The following KLHL4 variants were observed in gnomAD, a reference collection of about 807,000 sequenced individuals.
KLHL4 encodes the protein kelch-like protein 4.
Under a neutral mutation model 45.8 loss-of-function variants are expected in KLHL4, and 17 were observed. The observed-to-expected ratio is 0.37, with a 90% CI of 0.25 to 0.56. KLHL4 has a LOEUF of 0.56. Ranked by LOEUF, KLHL4 falls within the 20% of genes least tolerant of loss-of-function variation. The pLI is 0.79. For synonymous variants in KLHL4, 224 were observed against 189.9 expected (o/e 1.18, Z -1.47); for missense variants, 544 against 544.9 (o/e 1.00, Z 0.02).
At position 87,625,655 on chromosome X, in the gene KLHL4, G is replaced by C. The variant is rs1327324339; in HGVS notation, c.1183G>C (p.Glu395Gln). 2 of 1,208,561 alleles carry C rather than the reference G, an allele frequency of 1.7e-6. No homozygotes were observed. The highest frequency in any genetic ancestry group is 2.2e-5 in the Admixed American group (1 of 45,651). ...ETSSMFTGDLECQKLLMEAMK... is the reference protein window; with the variant it reads ...ETSSMFTGDLQCQKLLMEAMK... ...CAGTTCCATGTTTACTGGTGATCTT[G>C]AGTGTCAGAAGCTCCTGATGGAAGC... Residue 395 changes from glutamate to glutamine, a missense_variant, in exon 6 of 11, where the codon GAG becomes CAG. Glu to Gln is a conservative substitution (Grantham distance 29, BLOSUM62 2). Coordinates refer to ENST00000373119, the MANE Select transcript of KLHL4 (RefSeq NM_019117.5).
chrX:87,554,655 A>G (rs1288294707), intron 1 of KLHL4, among the ~76,000 whole-genome samples: 10 of 107,824 alleles, frequency 9.3e-5, no homozygotes, highest in African/African-American at 3.4e-4. Context: ...CAATCATGTC[A>G]TCTGCAAACA....
At chrX:87,635,875 C>T in intron 9 of KLHL4, 100 bp downstream of exon 9, 3 of 546,684 alleles carry the variant, frequency 5.5e-6, no homozygotes, top group Non-Finnish European at 8.4e-6. Context: ...CAGTTTAGTT[C>T]TATGCCCACT....
At chrX:87,663,308 C>A (rs1299517656) in intron 9 of KLHL4, among the ~76,000 whole-genome samples, 1 of 111,665 alleles carries the variant, frequency 9.0e-6, no homozygotes, top group Non-Finnish European at 1.9e-5. Flanking sequence ...AAAAGAGAAA[C>A]AAGAAAGAGA....
At chrX:87,541,912 G>A (rs934133089) in intron 1 of KLHL4, among the ~76,000 whole-genome samples, 1 of 111,662 alleles carries the variant, frequency 9.0e-6, no homozygotes, top group Non-Finnish European at 1.9e-5. Flanking sequence ...AGTAATGTGA[G>A]CAACGAAGTC....
chrX:87,617,811 C>T (rs1169641103), intron 3 of KLHL4, 121 bp from the exon 4 acceptor site: 1 of 534,417 alleles, frequency 1.9e-6, no homozygotes, highest in African/African-American at 2.3e-5. Flanking sequence ...AAAATGTGCT[C>T]CAAATCTGCT....
chrX:87,653,273 G>C (rs918679786), intron 9 of KLHL4, among the ~76,000 whole-genome samples: 1 of 111,772 alleles, frequency 8.9e-6, no homozygotes, highest in African/African-American at 3.3e-5. Flanking sequence ...AGTTCTTCCA[G>C]TACCATTTAT....
intron 1 of KLHL4, among the ~76,000 whole-genome samples, chrX:87,587,606 T>C (rs1043656335): frequency 1.8e-5 from 2 of 111,200 alleles, no homozygotes; most frequent in African/African-American, 6.5e-5. Flanking sequence ...TAAACATCCT[T>C]TCATGATAAA....
At chrX:87,576,078 T>C (rs1921092598) in intron 1 of KLHL4, among the ~76,000 whole-genome samples, 1 of 111,332 alleles carries the variant, frequency 9.0e-6, no homozygotes, top group Non-Finnish European at 1.9e-5. Flanking sequence ...AATTGGAGTC[T>C]GCCCCTCCAG....
At position 87,625,651 on chromosome X, in the gene KLHL4, T is replaced by C. The variant is rs267606526; in HGVS notation, c.1179T>C (p.Asp393=). The C allele has an allele frequency of 2.5e-6, 3 of 1,208,864 alleles. No homozygotes were observed. The highest frequency in any genetic ancestry group is 3.4e-6 in the Non-Finnish European group (3 of 893,963). The change falls in exon 6 of 11, where the codon GAT becomes GAC. Residue 393 remains aspartate (D), a synonymous_variant. Transcript: ENST00000373119. ...AAACCAGTTCCATGTTTACTGGTGA[T>C]CTTGAGTGTCAGAAGCTCCTGATGG... is the stretch of plus-strand genomic sequence containing the variant. ...DLETSSMFTG[D]LECQKLLMEA...
intron 9 of KLHL4, among the ~76,000 whole-genome samples, chrX:87,659,253 G>A (rs1253744116): frequency 1.1e-4 from 11 of 101,524 alleles, no homozygotes; most frequent in African/African-American, 4.0e-4. Flanking sequence ...CTGAGTAGCT[G>A]GGACTACAGG....
intron 1 of KLHL4, among the ~76,000 whole-genome samples, chrX:87,566,123 C>T (rs948428155): frequency 5.4e-5 from 6 of 110,755 alleles, no homozygotes; most frequent in Non-Finnish European, 9.4e-5. Context: ...AAAGCCAGGA[C>T]CATTTTGCTT....
Position 87,666,770 on chromosome X carries a change from G to A in KLHL4, c.*236G>A. The A allele has an allele frequency of 6.6e-6, 6 of 912,013 alleles. No individual in the cohort carries two copies. The South Asian group carries it at 2.7e-4, about 41-fold the overall frequency. The allele number at this position is 912,013 out of a possible 1,213,427, so 75.2% of individuals were successfully genotyped here. On this transcript the variant is annotated 3_prime_UTR_variant, in exon 11 of 11. Coordinates refer to ENST00000373119, the MANE Select transcript of KLHL4 (RefSeq NM_019117.5). Reference sequence around the variant, plus strand: ...TGCTTTCGCAGCTGATAATATAAAAGGAAATCCCACAGTCTAGATATAGCC... The same window carrying A: ...TGCTTTCGCAGCTGATAATATAAAAAGAAATCCCACAGTCTAGATATAGCC...
chrX:87,631,521 T>C lies in KLHL4; in HGVS notation c.1325-689T>C, dbSNP rs774455371. ...CACCAAAGGCCCATTTAACATTTTTTGAATTTTATTTATTTATATAGACAG... is the reference window on the plus strand; with the variant it reads ...CACCAAAGGCCCATTTAACATTTTTCGAATTTTATTTATTTATATAGACAG... On this transcript the variant is annotated intron_variant, in intron 6 of 10. Transcript: ENST00000373119. Among the ~76,000 whole-genome samples the C allele has an allele frequency of 7.2e-5, 8 of 111,650 alleles. No individual in the cohort carries two copies. The South Asian group carries it at 3.0e-3, about 42-fold the overall frequency.
In KLHL4 at chrX:87,518,015, A is replaced by G. The variant is rs144602634; in HGVS notation, c.122A>G (p.Tyr41Cys). 630 of 1,209,622 alleles carry G rather than the reference A, an allele frequency of 5.2e-4. 1 individual carries two copies. The highest frequency in any genetic ancestry group is 6.8e-4 in the Non-Finnish European group (612 of 895,169). Residue 41 changes from tyrosine to cysteine, a missense_variant, in exon 1 of 11, where the codon TAT becomes TGT. Tyr to Cys is a radical substitution (Grantham distance 194, BLOSUM62 -2). Transcript: ENST00000373119. The stretch of plus-strand genomic sequence containing the variant: ...GGAAGCTGTCTTCAGCAGGAAGGAT[A>G]TGAGCATAGAGGGACCCCGGTTCAG... ...NTGSCLQQEGYEHRGTPVQGR... is the reference protein window; with the variant it reads ...NTGSCLQQEGCEHRGTPVQGR...
intron 9 of KLHL4, among the ~76,000 whole-genome samples, chrX:87,653,100 A>C (rs934053457): frequency 8.9e-6 from 1 of 111,885 alleles, no homozygotes; most frequent in Non-Finnish European, 1.9e-5. Context: ...TGATTCAATT[A>C]TCTCCTACTG....
chrX:87,581,705 G>A (rs1197303310), intron 1 of KLHL4, among the ~76,000 whole-genome samples: 1 of 111,938 alleles, frequency 8.9e-6, no homozygotes, highest in Non-Finnish European at 1.9e-5. Context: ...CCATCCAAAG[G>A]TAAGCAATCT....
chrX:87,535,709 C>G (rs773352434), intron 1 of KLHL4, among the ~76,000 whole-genome samples: 2 of 110,443 alleles, frequency 1.8e-5, no homozygotes, highest in South Asian at 7.8e-4. Flanking sequence ...TGTGTTTCTG[C>G]CCAAAGCTCG....
intron 1 of KLHL4, among the ~76,000 whole-genome samples, chrX:87,535,716 C>T (rs759387232): frequency 9.0e-6 from 1 of 110,635 alleles, no homozygotes; most frequent in Admixed American, 9.8e-5. Flanking sequence ...CTGCCCAAAG[C>T]TCGTGTCAAA....
intron 9 of KLHL4, among the ~76,000 whole-genome samples, chrX:87,652,959 A>G (rs1194020116): frequency 2.7e-5 from 3 of 112,193 alleles, no homozygotes; most frequent in Non-Finnish European, 3.8e-5. Context: ...AGAAGGTGAA[A>G]GGCACTTCGT....
Sources: gnomAD v4.1 joint callset for allele counts (sites outside exome capture counted in the v4.1 genomes callset) on GRCh38, gnomAD v4.1.1 for gene constraint, MANE v1.5 for transcripts, NCBI Gene and HGNC (gene_info 2026-07-23, HGNC 2026-07-21) for gene names.